GRIK2: variants seen among roughly 807,000 people sequenced by gnomAD.
The protein encoded by GRIK2 is glutamate ionotropic receptor kainate type subunit 2.
In GRIK2, 32 loss-of-function variants were observed where a neutral mutation model predicts 100.3. The ratio of observed to expected loss-of-function variants is 0.32; its 90% CI spans 0.24 to 0.43. The LOEUF (loss-of-function observed/expected upper bound fraction) is 0.43. Ranked by LOEUF, GRIK2 falls within the 20% of genes least tolerant of loss-of-function variation. The pLI, the probability that GRIK2 is intolerant of heterozygous loss-of-function variation, is 1.00. For synonymous variants in GRIK2, 417 were observed against 389.4 expected (o/e 1.07, Z -0.83); for missense variants, 843 against 1,114.9 (o/e 0.76, Z 3.47).
rs1321067954 is a variant in GRIK2, at chr6:101,841,936, G to A, written c.1318-17351G>A. 2.0e-5 allele frequency among the ~76,000 whole-genome samples: 3 copies of A among 152,098 alleles called. No homozygotes were observed. The East Asian group carries it at 5.8e-4, about 29-fold the overall frequency. On this transcript the variant is annotated intron_variant, in intron 10 of 16. Transcript: ENST00000369134. ...GGTCTGCGAGTTGAATGGAAAAATG[G>A]AAGTCAGAATCTGGTTTTGAATCGT...
intron 7 of GRIK2, among the ~76,000 whole-genome samples, chr6:101,776,295 TATTA>T (rs1369848423): frequency 6.6e-6 from 1 of 152,190 alleles, no homozygotes; most frequent in African/African-American, 2.4e-5. Flanking sequence ...TGATTACCCT[TATTA>T]ATTTGTATGA....
chr6:101,583,211 A>C (rs1198747160), intron 2 of GRIK2, among the ~76,000 whole-genome samples: 1 of 152,120 alleles, frequency 6.6e-6, no homozygotes, highest in East Asian at 1.9e-4. Flanking sequence ...TACAGCCAAT[A>C]AAGGGGAGTC....
At chr6:101,869,784 AAG>A (rs1340657478) in intron 11 of GRIK2, among the ~76,000 whole-genome samples, 1 of 151,846 alleles carries the variant, frequency 6.6e-6, no homozygotes, top group African/African-American at 2.4e-5. Context: ...TTGCTTCTGA[AAG>A]AGTTTTAGTA....
At chr6:101,454,816 T>C (rs1448721936) in intron 2 of GRIK2, among the ~76,000 whole-genome samples, 1 of 152,122 alleles carries the variant, frequency 6.6e-6, no homozygotes, top group Non-Finnish European at 1.5e-5. Context: ...TTCAGTGCTC[T>C]GCTAAGAGAA....
At chr6:101,810,130 T>C (rs1006956704) in intron 9 of GRIK2, among the ~76,000 whole-genome samples, 7 of 151,854 alleles carry the variant, frequency 4.6e-5, no homozygotes, top group Admixed American at 4.0e-4. Context: ...TTGTAATTGA[T>C]TGATTTGATT....
At chr6:101,793,601 G>T (rs1000962769) in intron 7 of GRIK2, among the ~76,000 whole-genome samples, 2 of 152,108 alleles carry the variant, frequency 1.3e-5, no homozygotes, top group African/African-American at 4.8e-5. Flanking sequence ...GCCATGTGAG[G>T]TGTCAGTCTG....
At chr6:101,470,554 C>G (rs1350395609) in intron 2 of GRIK2, among the ~76,000 whole-genome samples, 1 of 152,226 alleles carries the variant, frequency 6.6e-6, no homozygotes. Context: ...TTTTCAGAAG[C>G]CTTCTCACTA....
In GRIK2 at chr6:101,637,179, G is replaced by A. The variant is rs186504688; in HGVS notation, c.541+10542G>A. ...GTCTTGTTTTCTCATTGTTTACCTC[G>A]TTCTCCCTAAAACCTTTCATTTGAC... On this transcript the variant is annotated intron_variant, in intron 4 of 16. Transcript: ENST00000369134. 2.7e-3 allele frequency among the ~76,000 whole-genome samples: 404 copies of A among 151,408 alleles called. 1 individual carries two copies. The highest frequency in any genetic ancestry group is 9.4e-3 in the African/African-American group (388 of 41,234).
intron 2 of GRIK2, among the ~76,000 whole-genome samples, chr6:101,492,437 C>T (rs1432838500): frequency 1.3e-5 from 2 of 151,984 alleles, no homozygotes; most frequent in Non-Finnish European, 2.9e-5. Context: ...TTTCCTCAAA[C>T]CCATTTCTCT....
chr6:101,559,649 C>T (rs1303603871), intron 2 of GRIK2, among the ~76,000 whole-genome samples: 2 of 152,072 alleles, frequency 1.3e-5, no homozygotes, highest in Non-Finnish European at 2.9e-5. Flanking sequence ...ATACCTCCAT[C>T]CTTAACTGCC....
At chr6:101,429,673 G>T (rs1480027962) in intron 2 of GRIK2, among the ~76,000 whole-genome samples, 1 of 151,742 alleles carries the variant, frequency 6.6e-6, no homozygotes. Context: ...AAATGGAGAG[G>T]GTTTTTTTCT....
chr6:101,496,415 T>C, intron 2 of GRIK2, among the ~76,000 whole-genome samples: 1 of 152,202 alleles, frequency 6.6e-6, no homozygotes, highest in Admixed American at 6.5e-5. Context: ...GTTAATGACA[T>C]GCCTTATGGG....
intron 12 of GRIK2, among the ~76,000 whole-genome samples, chr6:101,917,522 G>A (rs1180913494): frequency 6.6e-6 from 1 of 150,832 alleles, no homozygotes; most frequent in East Asian, 1.9e-4. Context: ...GGTTTTTAGT[G>A]TAGCAATTAC....
chr6:101,885,579 AT>A (rs1246901209), intron 11 of GRIK2, among the ~76,000 whole-genome samples: 1 of 152,058 alleles, frequency 6.6e-6, no homozygotes, highest in East Asian at 1.9e-4. Context: ...AATATAGCAC[AT>A]TTTTCCCTCA....
chr6:101,723,080 G>A (rs1157422189), intron 7 of GRIK2, among the ~76,000 whole-genome samples: 1 of 151,998 alleles, frequency 6.6e-6, no homozygotes, highest in African/African-American at 2.4e-5. Flanking sequence ...AGTAGTTAGA[G>A]TCCATGCTCA....
chr6:101,423,550 T>G (rs1258316551), intron 2 of GRIK2, among the ~76,000 whole-genome samples: 2 of 152,178 alleles, frequency 1.3e-5, no homozygotes, highest in African/African-American at 2.4e-5. Flanking sequence ...GATGAGTTGT[T>G]TTGTTGAGCA....
intron 1 of GRIK2, among the ~76,000 whole-genome samples, chr6:101,397,897 A>G (rs1039453819): frequency 1.3e-5 from 2 of 152,062 alleles, no homozygotes; most frequent in East Asian, 3.8e-4. Context: ...TATACAAGTT[A>G]GTTTTACTTA....
chr6:101,441,792 T>C (rs1209971238), intron 2 of GRIK2, among the ~76,000 whole-genome samples: 1 of 152,178 alleles, frequency 6.6e-6, no homozygotes, highest in African/African-American at 2.4e-5. Flanking sequence ...TTCAAACTTT[T>C]ACCCTCAAAT....
chr6:101,431,881 T>C (rs1224246171), intron 2 of GRIK2, among the ~76,000 whole-genome samples: 2 of 152,134 alleles, frequency 1.3e-5, no homozygotes, highest in Non-Finnish European at 2.9e-5. Context: ...ACGTGCACTT[T>C]TTTTCAGGCA....
Sources: gnomAD v4.1 joint callset for allele counts (sites outside exome capture counted in the v4.1 genomes callset) on GRCh38, gnomAD v4.1.1 for gene constraint, MANE v1.5 for transcripts, NCBI Gene and HGNC (gene_info 2026-07-23, HGNC 2026-07-21) for gene names.